Variants in ZNF157 observed in about 807,000 individuals in gnomAD.
The protein encoded by ZNF157 is zinc finger protein 157, also known as zinc finger protein 22.
Under a neutral mutation model 9.4 loss-of-function variants are expected in ZNF157, and 8 were observed. The ratio of observed to expected loss-of-function variants is 0.85; its 90% CI spans 0.50 to 1.53. ZNF157 has a LOEUF of 1.53. Ranked by LOEUF, ZNF157 falls within the 40% of genes most tolerant of loss-of-function variation. The probability of loss-of-function intolerance (pLI) is 0.00; values close to 1 mark genes in which losing one functional copy is unlikely to be tolerated. For synonymous variants in ZNF157, 120 were observed against 130.8 expected (o/e 0.92, Z 0.56); for missense variants, 316 against 385.2 (o/e 0.82, Z 1.50).
chrX:47,385,412 G>T (rs1028281261), intron 1 of ZNF157, among the ~76,000 whole-genome samples: 1 of 110,992 alleles, frequency 9.0e-6, no homozygotes, highest in Non-Finnish European at 1.9e-5. Context: ...TCACATGATG[G>T]ATTTTACGGT....
chrX:47,410,276 G>C lies in ZNF157; in HGVS notation c.73G>C (p.Gly25Arg), dbSNP rs760374166. The change falls in exon 2 of 4, where the codon GGG (glycine) becomes CGG (arginine). Residue 25 changes from glycine (G) to arginine (R), a missense_variant and splice_region_variant. This residue lies in a region of ZNF157 where 146 missense variants were observed against 183.8 expected (regional missense o/e 0.79). Coordinates refer to ENST00000377073, the MANE Select transcript of ZNF157 (RefSeq NM_003446.4). Reference protein sequence around the residue: ...IPGEPGRSFEGSVSFEDVAVD... With the variant: ...IPGEPGRSFERSVSFEDVAVD... Reference sequence around the variant, plus strand: ...TGATCATTGGAGATTGTTATTACAGGGGTCCGTGTCATTCGAGGATGTGGC... The same window carrying C: ...TGATCATTGGAGATTGTTATTACAGCGGTCCGTGTCATTCGAGGATGTGGC... The C allele has an allele frequency of 7.4e-6, 9 of 1,208,989 alleles. No homozygotes were observed. The highest frequency in any genetic ancestry group is 1.0e-5 in the Non-Finnish European group (9 of 895,025).
At chrX:47,410,814 G>A (rs1569261171) in intron 3 of ZNF157, 39 bp downstream of exon 3, 1 of 1,070,070 alleles carries the variant, frequency 9.3e-7, no homozygotes, top group South Asian at 2.0e-5. Context: ...GGAAAATAGG[G>A]GAAATAAGAG....
At chrX:47,394,176 A>G (rs2055906731) in intron 1 of ZNF157, among the ~76,000 whole-genome samples, 1 of 110,036 alleles carries the variant, frequency 9.1e-6, no homozygotes, top group South Asian at 3.8e-4. Flanking sequence ...GTTAGCCAGG[A>G]TGGTCTCGAT....
intron 1 of ZNF157, among the ~76,000 whole-genome samples, chrX:47,382,436 G>A (rs974223015): frequency 9.4e-6 from 1 of 106,323 alleles, no homozygotes; most frequent in Non-Finnish European, 1.9e-5. Flanking sequence ...TTACAGGCTT[G>A]TCTCGGACTC....
chrX:47,385,933 T>G (rs980156442), intron 1 of ZNF157, among the ~76,000 whole-genome samples: 1 of 110,542 alleles, frequency 9.0e-6, no homozygotes, highest in East Asian at 2.9e-4. Context: ...AGGAAGGTAG[T>G]AACTTAGCCA....
chrX:47,404,575 G>A (rs2055941215), intron 1 of ZNF157, among the ~76,000 whole-genome samples: 1 of 110,945 alleles, frequency 9.0e-6, no homozygotes, highest in South Asian at 3.8e-4. Context: ...AAATGGACTC[G>A]ACAGCAGAAT....
intron 1 of ZNF157, among the ~76,000 whole-genome samples, chrX:47,381,198 G>A (rs2055862346): frequency 9.4e-6 from 1 of 106,435 alleles, no homozygotes; most frequent in Non-Finnish European, 1.9e-5. Context: ...AGGAGGAGGA[G>A]AAGCAGCAGG....
chrX:47,394,619 A>G lies in ZNF157; in HGVS notation c.73-15657A>G, dbSNP rs772077580. Among the ~76,000 whole-genome samples the G allele has an allele frequency of 5.4e-5, 6 of 111,908 alleles. No individual in the cohort carries two copies. In the East Asian group the frequency reaches 1.7e-3, roughly 31 times the overall value. ...ATTCTGTTAAGTTTTCTGCCATTATATAACAAGGATGGTTTTTCATCTAGT... is the reference window on the plus strand; with the variant it reads ...ATTCTGTTAAGTTTTCTGCCATTATGTAACAAGGATGGTTTTTCATCTAGT... On this transcript the variant is annotated intron_variant, in intron 1 of 3. Coordinates refer to ENST00000377073, the MANE Select transcript of ZNF157 (RefSeq NM_003446.4).
chrX:47,372,300 A>T (rs1332210664), intron 1 of ZNF157, among the ~76,000 whole-genome samples: 4 of 108,602 alleles, frequency 3.7e-5, no homozygotes, highest in African/African-American at 6.7e-5. Context: ...AGGGCAAATG[A>T]TTTAATCAAT....
Position 47,393,734 on chromosome X carries a change from T to TC in ZNF157, c.73-16537dup, listed in dbSNP as rs1292286182. ...GATTGAGCTACCATCCCCGCCACCC[T>TC]CCCCCGCCCTTTTTTTTTTTTTTAG... On this transcript the variant is annotated intron_variant, in intron 1 of 3. Coordinates refer to ENST00000377073, the MANE Select transcript of ZNF157 (RefSeq NM_003446.4). 6.5e-4 allele frequency among the ~76,000 whole-genome samples: 14 copies of TC among 21,594 alleles called. 2 individuals are homozygous for TC. The highest frequency in any genetic ancestry group is 7.2e-4 in the Non-Finnish European group (9 of 12,560). The allele number at this position is 21,594 out of a possible 115,157, so 18.8% of individuals were successfully genotyped here.
At chrX:47,409,953 T>C (rs1472499885) in intron 1 of ZNF157, among the ~76,000 whole-genome samples, 2 of 111,812 alleles carry the variant, frequency 1.8e-5, no homozygotes, top group Non-Finnish European at 3.8e-5. Flanking sequence ...CCAGCCTCCT[T>C]CTTCATTTTT....
intron 1 of ZNF157, among the ~76,000 whole-genome samples, chrX:47,401,867 G>A (rs896156430): frequency 9.1e-6 from 1 of 109,862 alleles, no homozygotes; most frequent in Non-Finnish European, 1.9e-5. Flanking sequence ...AGCCTCCCAG[G>A]TAGCTAGGAC....
intron 1 of ZNF157, among the ~76,000 whole-genome samples, chrX:47,376,096 C>T (rs754310290): frequency 2.7e-5 from 3 of 111,825 alleles, no homozygotes; most frequent in Non-Finnish European, 5.6e-5. Context: ...TAAGGTTCCT[C>T]CATGTTTTTT....
chrX:47,375,389 T>C (rs1344397031), intron 1 of ZNF157, among the ~76,000 whole-genome samples: 1 of 102,429 alleles, frequency 9.8e-6, no homozygotes, highest in Non-Finnish European at 1.9e-5. Flanking sequence ...TGCTGTCACC[T>C]CCTCAACCCC....
At chrX:47,385,596 T>G (rs2055877476) in intron 1 of ZNF157, among the ~76,000 whole-genome samples, 1 of 106,139 alleles carries the variant, frequency 9.4e-6, no homozygotes, top group South Asian at 4.2e-4. Flanking sequence ...AGACAGAGTC[T>G]TGCTCATGTT....
chrX:47,386,066 C>T (rs777627865), intron 1 of ZNF157, among the ~76,000 whole-genome samples: 4 of 111,387 alleles, frequency 3.6e-5, no homozygotes, highest in East Asian at 2.8e-4. Flanking sequence ...ACCTTGTTCT[C>T]GACGCTCTCT....
rs758298719 is a variant in ZNF157, at chrX:47,412,378, C to A, written c.305C>A (p.Ser102Ter). Residue 102 changes from serine to a stop codon, truncating the protein, a stop_gained, in exon 4 of 4, where the codon TCA (serine) becomes TAA (stop). Transcript: ENST00000377073. LOFTEE classifies it low-confidence loss of function (END_TRUNC). ...TGATTTATTTTTAAAGGATCTCTCT[C>A]ACTGCTGTGTGGCAATGGTTCTGTT... is the stretch of plus-strand genomic sequence containing the variant. ...SSGHGYSGSL[S>*]LLCGNGSVGD... The A allele has an allele frequency of 8.4e-7, 1 of 1,190,053 alleles. No homozygotes were observed.
intron 1 of ZNF157, among the ~76,000 whole-genome samples, chrX:47,381,865 T>C (rs1569256952): frequency 8.9e-6 from 1 of 111,742 alleles, no homozygotes; most frequent in Non-Finnish European, 1.9e-5. Flanking sequence ...CACTGTAAAG[T>C]GTGTTTACCC....
At chrX:47,380,772 CTT>C (rs202115104) in intron 1 of ZNF157, among the ~76,000 whole-genome samples, 11 of 99,762 alleles carry the variant, frequency 1.1e-4, no homozygotes, top group African/African-American at 1.8e-4. Context: ...TATTATTTTT[CTT>C]TTTTTTTTAG....
Sources: allele counts gnomAD v4.1 joint callset (sites outside exome capture counted in the v4.1 genomes callset), GRCh38; gene constraint gnomAD v4.1.1; regional missense constraint gnomAD v4.1.1; transcripts MANE v1.5; gene names NCBI Gene and HGNC (gene_info 2026-07-23, HGNC 2026-07-21).